TMEM161B: variants seen among roughly 807,000 people sequenced by gnomAD.
The protein encoded by TMEM161B is transmembrane protein 161B.
Under a neutral mutation model 61.8 loss-of-function variants are expected in TMEM161B, and 34 were observed. The ratio of observed to expected loss-of-function variants is 0.55; its 90% CI spans 0.42 to 0.73. The LOEUF is 0.73. Among genes scored for constraint, TMEM161B ranks in the 30% least tolerant of loss-of-function variants. The probability of loss-of-function intolerance (pLI) is 0.00; values close to 1 mark genes in which losing one functional copy is unlikely to be tolerated. For synonymous variants in TMEM161B, 167 were observed against 192.8 expected (o/e 0.87, Z 1.11); for missense variants, 456 against 558.5 (o/e 0.82, Z 1.85).
At chr5:88,193,059 T>C (rs1488101631), downstream of TMEM161B, among the ~76,000 whole-genome samples, 1 of 152,164 alleles carries the variant, frequency 6.6e-6, no homozygotes, top group Non-Finnish European at 1.5e-5. Context: ...ATTCTGCTTG[T>C]ATGCATTGGT....
intron 5 of TMEM161B, among the ~76,000 whole-genome samples, chr5:88,217,947 T>C (rs1748210110): frequency 6.6e-6 from 1 of 151,602 alleles, no homozygotes; most frequent in Non-Finnish European, 1.5e-5. Flanking sequence ...CATTAATATC[T>C]TAAATAGACA....
chr5:88,261,403 AAAAAGAAAAG>A (rs956518342), intron 1 of TMEM161B, among the ~76,000 whole-genome samples: 4 of 152,070 alleles, frequency 2.6e-5, no homozygotes, highest in African/African-American at 7.2e-5. Flanking sequence ...GGTATCAAAA[AAAAAGAAAAG>A]AAAAGAAAAG....
chr5:88,227,583 CAA>C (rs977026554), intron 3 of TMEM161B, among the ~76,000 whole-genome samples: 4 of 152,042 alleles, frequency 2.6e-5, no homozygotes, highest in Non-Finnish European at 5.9e-5. Flanking sequence ...GTAGTAAGAT[CAA>C]AAAAGACAGT....
At chr5:88,209,587 T>A (rs982293247) in intron 5 of TMEM161B, among the ~76,000 whole-genome samples, 15 of 152,212 alleles carry the variant, frequency 9.9e-5, no homozygotes, top group Admixed American at 1.3e-4. Flanking sequence ...ACTAATACTT[T>A]ACAGTCCCAC....
At chr5:88,204,111 C>T (rs1744989510) in intron 8 of TMEM161B, among the ~76,000 whole-genome samples, 1 of 151,914 alleles carries the variant, frequency 6.6e-6, no homozygotes, top group Non-Finnish European at 1.5e-5. Flanking sequence ...AGGGCTGGGT[C>T]AGGAAGCCAC....
chr5:88,192,443 G>A (rs910763043), downstream of TMEM161B, among the ~76,000 whole-genome samples: 2 of 152,050 alleles, frequency 1.3e-5, no homozygotes, highest in African/African-American at 4.8e-5. Context: ...CTTTAAAAAA[G>A]GAAAAGGTTG....
downstream of TMEM161B, among the ~76,000 whole-genome samples, chr5:88,188,630 C>G (rs1011057934): frequency 6.6e-6 from 1 of 152,166 alleles, no homozygotes; most frequent in East Asian, 1.9e-4. Context: ...TGTAGCAGGA[C>G]GAGCCGCAGA....
chr5:88,220,017 C>T (rs930239863), intron 5 of TMEM161B, among the ~76,000 whole-genome samples: 1 of 151,828 alleles, frequency 6.6e-6, no homozygotes, highest in African/African-American at 2.4e-5. Flanking sequence ...AATGAAGTAT[C>T]TGAACTATTG....
rs764112016 is a variant in TMEM161B at position 88,220,727 on chromosome 5, G to GAAAAAAAAAAAAAAAAAAAA, written c.290-28_290-9dup. 8.3e-6 allele frequency: 5 copies of GAAAAAAAAAAAAAAAAAAAA among 602,806 alleles called. No individual in the cohort carries two copies. Among genetic ancestry groups the GAAAAAAAAAAAAAAAAAAAA allele is most frequent in the African/African-American group, 3.7e-5 (1 of 26,772 alleles). The allele number at this position is 602,806 out of a possible 1,614,324, so 37.3% of individuals were successfully genotyped here. A position where few individuals can be genotyped will look rare whatever the true frequency, so the allele number is the denominator to read the frequency against. Reference sequence around the variant, plus strand: ...CTGGAAAGTAATGCAATGCTGGAAAGAAAAAAAAAAAAAAAAAAAAAAAAG... The same window carrying GAAAAAAAAAAAAAAAAAAAA: ...CTGGAAAGTAATGCAATGCTGGAAAGAAAAAAAAAAAAAAAAAAAAAAAAAAAAAAAAAAAAAAAAAAAAG... On this transcript the variant is annotated splice_polypyrimidine_tract_variant and intron_variant, in intron 4 of 11. Coordinates refer to ENST00000296595, the MANE Select transcript of TMEM161B (RefSeq NM_153354.5).
intron 5 of TMEM161B, among the ~76,000 whole-genome samples, chr5:88,212,186 A>G (rs1746942619): frequency 6.6e-6 from 1 of 152,214 alleles, no homozygotes. Context: ...AAATATGGAT[A>G]ACCTAGAATT....
intron 1 of TMEM161B, among the ~76,000 whole-genome samples, chr5:88,247,390 C>A (rs921176910): frequency 2.1e-4 from 32 of 152,052 alleles, no homozygotes; most frequent in African/African-American, 7.0e-4. Context: ...CTCCTGCTGA[C>A]AGATCAAAAC....
At chr5:88,190,127 A>G, downstream of TMEM161B, 1 of 700,954 alleles carries the variant, frequency 1.4e-6, no homozygotes, top group South Asian at 1.5e-5. Context: ...CAGAGAAGGT[A>G]CACACAAGAA....
At chr5:88,230,351 G>A (rs749270004) in intron 2 of TMEM161B, among the ~76,000 whole-genome samples, 21 of 152,140 alleles carry the variant, frequency 1.4e-4, no homozygotes, top group Admixed American at 4.6e-4. Flanking sequence ...TGAAATGTAC[G>A]CTGGGGGAAG....
chr5:88,261,003 T>C (rs1403983358), intron 1 of TMEM161B, among the ~76,000 whole-genome samples: 3 of 152,192 alleles, frequency 2.0e-5, no homozygotes, highest in Non-Finnish European at 4.4e-5. Flanking sequence ...TGTAATTGTA[T>C]TCTCTAAGAA....
At chr5:88,261,909 T>C (rs996775287) in intron 1 of TMEM161B, among the ~76,000 whole-genome samples, 2 of 152,006 alleles carry the variant, frequency 1.3e-5, no homozygotes, top group African/African-American at 2.4e-5. Flanking sequence ...GCATGATCCA[T>C]GAAAGAAAGA....
chr5:88,231,363 C>T (rs868025540), intron 2 of TMEM161B, among the ~76,000 whole-genome samples: 9 of 152,128 alleles, frequency 5.9e-5, no homozygotes, highest in Non-Finnish European at 1.0e-4. Context: ...CGGAGAACTT[C>T]GCCTTTAACC....
chr5:88,232,916 T>A (rs1260907257), intron 2 of TMEM161B, among the ~76,000 whole-genome samples: 1 of 152,222 alleles, frequency 6.6e-6, no homozygotes, highest in Non-Finnish European at 1.5e-5. Flanking sequence ...ATTTGTTAAA[T>A]CTTATTTTGT....
intron 5 of TMEM161B, among the ~76,000 whole-genome samples, chr5:88,219,515 T>C (rs1462062338): frequency 6.6e-6 from 1 of 152,078 alleles, no homozygotes; most frequent in Admixed American, 6.5e-5. Context: ...GTAAAAGACA[T>C]GAGTTTTCAG....
Position 88,204,815 on chromosome 5 carries a change from G to A in TMEM161B, c.800+999C>T, listed in dbSNP as rs1052049076. On this transcript the variant is annotated intron_variant, in intron 8 of 11. Transcript: ENST00000296595. ...GGGAGGCGATAGTAAGTAAACACAT[G>A]TACAAAGCTTATGTAGAAAAATGGA... Among the ~76,000 whole-genome samples, 4 of 150,468 alleles carry A rather than the reference G, an allele frequency of 2.7e-5. No homozygotes were observed. The East Asian group carries it at 7.8e-4, about 29-fold the overall frequency.
Sources: allele counts gnomAD v4.1 joint callset (sites outside exome capture counted in the v4.1 genomes callset), GRCh38; gene constraint gnomAD v4.1.1; transcripts MANE v1.5; gene names NCBI Gene and HGNC (gene_info 2026-07-23, HGNC 2026-07-21).